Variants in SYNPO2 observed in about 807,000 individuals in gnomAD.
SYNPO2 encodes synaptopodin-2.
In SYNPO2, 56 loss-of-function variants were observed where a neutral mutation model predicts 85.0. The observed-to-expected ratio is 0.66, with a 90% CI of 0.53 to 0.82. The LOEUF is 0.82. Ranked by LOEUF, SYNPO2 falls within the 40% of genes least tolerant of loss-of-function variation. The probability of loss-of-function intolerance (pLI) is 0.00; values close to 1 mark genes in which losing one functional copy is unlikely to be tolerated. For synonymous variants in SYNPO2, 602 were observed against 591.1 expected (o/e 1.02, Z -0.27); for missense variants, 1,575 against 1,534.2 (o/e 1.03, Z -0.44).
chr4:118,964,331 CACACACACACT>C (rs1735223769), intron 1 of SYNPO2, among the ~76,000 whole-genome samples: 2 of 102,868 alleles, frequency 1.9e-5, no homozygotes, highest in Non-Finnish European at 4.2e-5. Context: ...CACACACACA[CACACACACACT>C]AGCCAGGTGT....
intron 1 of SYNPO2, among the ~76,000 whole-genome samples, chr4:118,965,876 A>T (rs1735298588): frequency 6.6e-6 from 1 of 151,982 alleles, no homozygotes; most frequent in Admixed American, 6.6e-5. Flanking sequence ...TGAGCCCAGG[A>T]GTTCAAGACC....
chr4:118,967,927 A>G (rs2149153224), intron 1 of SYNPO2, among the ~76,000 whole-genome samples: 1 of 152,288 alleles, frequency 6.6e-6, no homozygotes, highest in African/African-American at 2.4e-5. Context: ...TTATTAGAGA[A>G]TGTCATATAA....
intron 1 of SYNPO2, among the ~76,000 whole-genome samples, chr4:118,896,385 A>G (rs191777361): frequency 6.6e-6 from 1 of 152,330 alleles, no homozygotes; most frequent in East Asian, 1.9e-4. Flanking sequence ...CTCCAAGTTT[A>G]TTGTGTCTTT....
In SYNPO2 at chr4:118,996,070, G is replaced by T. The variant is rs575515686; in HGVS notation, c.106-27360G>T. On this transcript the variant is annotated intron_variant, in intron 1 of 4. Coordinates refer to ENST00000307142, the MANE Select transcript of SYNPO2 (RefSeq NM_133477.3). The stretch of plus-strand genomic sequence containing the variant: ...ATGGAAAGCCTGAACTCCATTATGC[G>T]GCATACACAAACTTTTCATCCTCTC... 2.0e-5 allele frequency among the ~76,000 whole-genome samples: 3 copies of T among 152,124 alleles called. No homozygotes were observed. In the East Asian group the frequency reaches 5.8e-4, roughly 29 times the overall value.
At chr4:118,898,140 C>A (rs57895651) in intron 1 of SYNPO2, among the ~76,000 whole-genome samples, 5 of 151,800 alleles carry the variant, frequency 3.3e-5, no homozygotes, top group African/African-American at 1.2e-4. Context: ...CAAAAACCTT[C>A]AAGCAGCTGA....
intron 4 of SYNPO2, among the ~76,000 whole-genome samples, chr4:119,056,836 A>G (rs1205207116): frequency 6.6e-6 from 1 of 152,230 alleles, no homozygotes; most frequent in Non-Finnish European, 1.5e-5. Context: ...TGTTAACTAC[A>G]TCTAAGAAGC....
intron 1 of SYNPO2, among the ~76,000 whole-genome samples, chr4:118,974,948 AC>A (rs1735668462): frequency 6.6e-6 from 1 of 152,152 alleles, no homozygotes; most frequent in African/African-American, 2.4e-5. Flanking sequence ...CTACACACTG[AC>A]TAATCTCCCT....
At chr4:118,898,272 C>T (rs893999024) in intron 1 of SYNPO2, among the ~76,000 whole-genome samples, 15 of 152,028 alleles carry the variant, frequency 9.9e-5, no homozygotes, top group African/African-American at 3.4e-4. Flanking sequence ...CTCAGTAGCC[C>T]CTATTCCATT....
intron 1 of SYNPO2, among the ~76,000 whole-genome samples, chr4:118,854,074 TTC>T (rs1731467617): frequency 6.6e-6 from 1 of 152,218 alleles, no homozygotes; most frequent in African/African-American, 2.4e-5. Flanking sequence ...AGTACTGAGT[TTC>T]TGTTTCTCCA....
intron 1 of SYNPO2, among the ~76,000 whole-genome samples, chr4:119,014,476 C>T: frequency 6.6e-6 from 1 of 152,122 alleles, no homozygotes; most frequent in East Asian, 1.9e-4. Flanking sequence ...ATTCTCACTA[C>T]ATTACCTGTT....
intron 4 of SYNPO2, among the ~76,000 whole-genome samples, chr4:119,050,638 G>C (rs926523123): frequency 2.0e-5 from 3 of 152,148 alleles, no homozygotes; most frequent in Admixed American, 2.0e-4. Flanking sequence ...ATTTTTAAAG[G>C]CAGAGGTAGA....
rs563125813 is a variant in SYNPO2, at chr4:118,977,089, G to A, written c.106-46341G>A. Among the ~76,000 whole-genome samples the A allele has an allele frequency of 4.6e-5, 7 of 152,326 alleles. No individual in the cohort carries two copies. In the South Asian group the frequency reaches 1.2e-3, roughly 27 times the overall value. On this transcript the variant is annotated intron_variant, in intron 1 of 4. Transcript: ENST00000307142. ...TGGGTGGTCGATGGGACTGGGCGCC[G>A]TGGAGCAGGGGGTGGTGCTCGTCAG...
intron 1 of SYNPO2, among the ~76,000 whole-genome samples, chr4:118,915,441 A>G (rs1214572644): frequency 1.3e-5 from 2 of 152,186 alleles, no homozygotes; most frequent in Non-Finnish European, 2.9e-5. Context: ...AAAGGGTACC[A>G]TGCTGTATGT....
intron 1 of SYNPO2, among the ~76,000 whole-genome samples, chr4:118,915,157 A>G (rs903276422): frequency 2.0e-5 from 3 of 152,106 alleles, no homozygotes; most frequent in African/African-American, 7.2e-5. Context: ...CTGAAAAATT[A>G]TAATTCTTAG....
In SYNPO2 at chr4:119,058,100, G is replaced by C. The variant is rs138662585; in HGVS notation, c.*166G>C. 261 of 543,392 alleles carry C rather than the reference G, an allele frequency of 4.8e-4. No individual in the cohort carries two copies. Among genetic ancestry groups the C allele is most frequent in the Non-Finnish European group, 7.5e-4 (239 of 317,438 alleles). The allele number at this position is 543,392 out of a possible 1,614,324, so 33.7% of individuals were successfully genotyped here. On this transcript the variant is annotated 3_prime_UTR_variant, in exon 5 of 5. Coordinates refer to ENST00000307142, the MANE Select transcript of SYNPO2 (RefSeq NM_133477.3). ...TCTGTGTGTGTGTGTGTGTGTGTAT[G>C]TATGTGAATATACACACACACACAC...
At chr4:118,996,714 A>G (rs1396464271) in intron 1 of SYNPO2, among the ~76,000 whole-genome samples, 1 of 151,610 alleles carries the variant, frequency 6.6e-6, no homozygotes, top group Non-Finnish European at 1.5e-5. Flanking sequence ...AAAATAAGCC[A>G]GGCGTGGTGG....
In SYNPO2 at chr4:119,027,345, T is replaced by C. The variant is rs1055578008; in HGVS notation, c.976T>C (p.Phe326Leu). 2.5e-6 allele frequency: 4 copies of C among 1,613,994 alleles called. No individual in the cohort carries two copies. The highest frequency in any genetic ancestry group is 3.4e-6 in the Non-Finnish European group (4 of 1,180,032). The change falls in exon 3 of 5, where the codon TTT (phenylalanine) becomes CTT (leucine). Residue 326 changes from phenylalanine (F) to leucine (L), a missense_variant. Physicochemically the swap from Phe to Leu is conservative, Grantham distance 22. Transcript: ENST00000307142. Reference sequence around the variant, plus strand: ...AGAAGCACCTCCTTCTCTGGTATCCTTTGCCGTCTCATCAGAAGGCACAGA... The same window carrying C: ...AGAAGCACCTCCTTCTCTGGTATCCCTTGCCGTCTCATCAGAAGGCACAGA... ...QSEAPPSLVSFAVSSEGTEQG... is the reference protein window; with the variant it reads ...QSEAPPSLVSLAVSSEGTEQG...
Position 119,026,628 on chromosome 4 carries a change from C to A in SYNPO2, c.259C>A (p.Pro87Thr). Reference sequence around the variant, plus strand: ...CTGGAATGATTTTTCTGTGTGCAGACCATCCAGTGGAATAAGTGAGGCTTT... The same window carrying A: ...CTGGAATGATTTTTCTGTGTGCAGAACATCCAGTGGAATAAGTGAGGCTTT... ...TDSLQMLIKR[P>T]SSGISEALIS... The change falls in exon 3 of 5, where the codon CCA (proline) becomes ACA (threonine). Residue 87 changes from proline (P) to threonine (T), a missense_variant and splice_region_variant. By Grantham distance (38) the Pro-to-Thr change is conservative. This residue lies in a region of SYNPO2 where 1,508 missense variants were observed against 1,446.8 expected (regional missense o/e 1.04). Coordinates refer to ENST00000307142, the MANE Select transcript of SYNPO2 (RefSeq NM_133477.3). The A allele has an allele frequency of 1.3e-6, 2 of 1,595,130 alleles. No homozygotes were observed. Among genetic ancestry groups the A allele is most frequent in the South Asian group, 1.1e-5 (1 of 87,042 alleles).
intron 1 of SYNPO2, among the ~76,000 whole-genome samples, chr4:118,912,055 T>C (rs1015883758): frequency 1.3e-5 from 2 of 152,220 alleles, no homozygotes; most frequent in Non-Finnish European, 2.9e-5. Flanking sequence ...TATAACCTGC[T>C]TCTAGGTAGA....
Sources: gnomAD v4.1 joint callset for allele counts (sites outside exome capture counted in the v4.1 genomes callset) on GRCh38, gnomAD v4.1.1 for gene constraint, gnomAD v4.1.1 regional missense constraint, MANE v1.5 for transcripts, NCBI Gene and HGNC (gene_info 2026-07-23, HGNC 2026-07-21) for gene names.